ODAD2: variants seen among roughly 807,000 people sequenced by gnomAD.
ODAD2 encodes the protein outer dynein arm-docking complex subunit 2.
In ODAD2, 89 loss-of-function variants were observed where a neutral mutation model predicts 106.8. That is an observed-to-expected ratio of 0.83 (90% CI 0.70 to 0.99). ODAD2 has a LOEUF of 0.99. ODAD2 is among the 50% of genes least tolerant of loss of function. The pLI is 0.00. For synonymous variants in ODAD2, 404 were observed against 436.2 expected (o/e 0.93, Z 0.92); for missense variants, 1,168 against 1,238.5 (o/e 0.94, Z 0.85).
intron 19 of ODAD2, among the ~76,000 whole-genome samples, chr10:27,835,674 TAAGAG>T (rs1482335553): frequency 1.1e-4 from 16 of 152,102 alleles, no homozygotes; most frequent in Admixed American, 6.5e-4. Flanking sequence ...ATTCTTAAAA[TAAGAG>T]AAGTTTAACA....
At chr10:27,938,604 CT>C (rs982998118) in intron 14 of ODAD2, among the ~76,000 whole-genome samples, 5 of 144,840 alleles carry the variant, frequency 3.5e-5, no homozygotes, top group South Asian at 2.2e-4. Flanking sequence ...CTTCTTTTTT[CT>C]TTTTTTTTTC....
intron 14 of ODAD2, among the ~76,000 whole-genome samples, chr10:27,938,949 A>G (rs988391029): frequency 5.3e-5 from 8 of 152,112 alleles, no homozygotes; most frequent in African/African-American, 1.2e-4. Context: ...TCTTAAGTGC[A>G]TTCCTCTAGC....
At chr10:27,926,155 C>T (rs1436651345) in intron 16 of ODAD2, among the ~76,000 whole-genome samples, 1 of 152,068 alleles carries the variant, frequency 6.6e-6, no homozygotes, top group East Asian at 1.9e-4. Flanking sequence ...AGTTGTAGCA[C>T]AAATGCAGCC....
chr10:27,945,107 GA>G, intron 10 of ODAD2, 145 bp from the exon 11 acceptor site: 1 of 909,062 alleles, frequency 1.1e-6, no homozygotes, highest in Non-Finnish European at 1.7e-6. Flanking sequence ...CCGAAGCATG[GA>G]AAAGCTGTAC....
chr10:27,950,858 T>C (rs1847282011), intron 10 of ODAD2, among the ~76,000 whole-genome samples: 1 of 152,122 alleles, frequency 6.6e-6, no homozygotes. Context: ...TATAATTATC[T>C]TACTAAAAAG....
chr10:27,973,913 TC>T (rs1849021618), intron 7 of ODAD2, among the ~76,000 whole-genome samples: 1 of 152,150 alleles, frequency 6.6e-6, no homozygotes, highest in African/African-American at 2.4e-5. Context: ...GTGTACGTAT[TC>T]CCTTTTTTTC....
At chr10:27,816,024 C>T (rs920931219) in intron 19 of ODAD2, among the ~76,000 whole-genome samples, 12 of 152,254 alleles carry the variant, frequency 7.9e-5, no homozygotes, top group East Asian at 1.9e-4. Context: ...TTGTTCAAGA[C>T]GGAAATCTGC....
intron 7 of ODAD2, among the ~76,000 whole-genome samples, chr10:27,978,801 A>G (rs1283287120): frequency 2.6e-5 from 4 of 152,002 alleles, no homozygotes; most frequent in Admixed American, 6.6e-5. Flanking sequence ...CAAAAAAAGA[A>G]AAGAAAAGGA....
intron 19 of ODAD2, among the ~76,000 whole-genome samples, chr10:27,823,945 C>T (rs1836820898): frequency 7.0e-6 from 1 of 142,730 alleles, no homozygotes; most frequent in South Asian, 2.3e-4. Flanking sequence ...TCGAGACCAT[C>T]CTGGCTAACA....
intron 16 of ODAD2, among the ~76,000 whole-genome samples, chr10:27,926,365 A>G (rs908218145): frequency 9.2e-5 from 14 of 152,070 alleles, no homozygotes; most frequent in Non-Finnish European, 1.5e-5. Flanking sequence ...CTCATTAAAA[A>G]CAGCCAATCA....
chr10:27,833,785 A>G (rs1564408314), intron 19 of ODAD2, among the ~76,000 whole-genome samples: 1 of 152,218 alleles, frequency 6.6e-6, no homozygotes, highest in Non-Finnish European at 1.5e-5. Flanking sequence ...GAGATGCACA[A>G]TTATGTTGTT....
intron 19 of ODAD2, among the ~76,000 whole-genome samples, chr10:27,838,683 G>A (rs1014483891): frequency 6.6e-6 from 1 of 152,142 alleles, no homozygotes; most frequent in African/African-American, 2.4e-5. Flanking sequence ...CGACTTTTTG[G>A]CACACTGATT....
At chr10:27,950,282 G>T (rs931900353) in intron 10 of ODAD2, among the ~76,000 whole-genome samples, 4 of 152,142 alleles carry the variant, frequency 2.6e-5, no homozygotes, top group African/African-American at 9.7e-5. Flanking sequence ...CTTCTCCCAG[G>T]ATCAGAAATG....
chr10:27,936,647 T>C, intron 15 of ODAD2, 79 bp downstream of exon 15: 1 of 1,478,686 alleles, frequency 6.8e-7, no homozygotes. Flanking sequence ...ATTGACTCCT[T>C]ACTAGAATGG....
intron 2 of ODAD2, among the ~76,000 whole-genome samples, chr10:27,990,298 C>T (rs1474047234): frequency 6.6e-6 from 1 of 152,084 alleles, no homozygotes; most frequent in Admixed American, 6.6e-5. Flanking sequence ...CAGCCGCACG[C>T]CACCACACCT....
rs117369964 is a variant in ODAD2 at position 27,869,240 on chromosome 10, T to C, written c.2611-6618A>G. ...TGAAAACTGAAGGGTAATGTAAAAA[T>C]AGTTAACAAAAAATTCAAGGCAACA... On this transcript the variant is annotated intron_variant, in intron 17 of 19. Coordinates refer to ENST00000305242, the MANE Select transcript of ODAD2 (RefSeq NM_018076.5). Among the ~76,000 whole-genome samples the C allele has an allele frequency of 7.1e-3, 1,083 of 152,052 alleles. 11 individuals are homozygous for C. Among genetic ancestry groups the C allele is most frequent in the East Asian group, 0.028 (145 of 5,178 alleles).
At chr10:27,961,071 C>T (rs1304602352) in intron 10 of ODAD2, among the ~76,000 whole-genome samples, 1 of 152,172 alleles carries the variant, frequency 6.6e-6, no homozygotes, top group Non-Finnish European at 1.5e-5. Flanking sequence ...TAAGCACCCA[C>T]AATGTCTCAG....
At chr10:27,849,576 G>T (rs1839085435) in intron 19 of ODAD2, among the ~76,000 whole-genome samples, 1 of 151,926 alleles carries the variant, frequency 6.6e-6, no homozygotes, top group South Asian at 2.1e-4. Flanking sequence ...GAAGTCAGCT[G>T]AATCACCTCA....
intron 16 of ODAD2, among the ~76,000 whole-genome samples, chr10:27,921,210 G>A (rs963277604): frequency 2.0e-5 from 3 of 151,232 alleles, no homozygotes; most frequent in East Asian, 1.9e-4. Context: ...TTGGAGGATC[G>A]CTTGAGCCCA....
Sources: allele counts gnomAD v4.1 joint callset (sites outside exome capture counted in the v4.1 genomes callset), GRCh38; gene constraint gnomAD v4.1.1; transcripts MANE v1.5; gene names NCBI Gene and HGNC (gene_info 2026-07-23, HGNC 2026-07-21).